FRMPD3: variants seen among roughly 807,000 people sequenced by gnomAD.
FRMPD3 encodes the protein FERM and PDZ domain-containing protein 3.
In FRMPD3, 42 loss-of-function variants were observed where a neutral mutation model predicts 97.9. That is an observed-to-expected ratio of 0.43 (90% CI 0.34 to 0.55). FRMPD3 has a LOEUF of 0.55. Among genes scored for constraint, FRMPD3 ranks in the 20% least tolerant of loss-of-function variants. The pLI is 0.03. For synonymous variants in FRMPD3, 577 were observed against 581.1 expected, an observed-to-expected ratio of 0.99 and a Z score of 0.10; for missense variants, 1,303 against 1,457.7, an observed-to-expected ratio of 0.89 and a Z score of 1.73.
At chrX:107,594,764 C>T (rs777325256) in intron 13 of FRMPD3, among the ~76,000 whole-genome samples, 1 of 111,204 alleles carries the variant, frequency 9.0e-6, no homozygotes, top group Non-Finnish European at 1.9e-5. Context: ...GCTTATAATC[C>T]CAGCTACTTG....
chrX:107,485,738 A>AT, intron 1 of FRMPD3, among the ~76,000 whole-genome samples: 1 of 111,648 alleles, frequency 9.0e-6, no homozygotes, highest in Admixed American at 9.5e-5. Flanking sequence ...ATTTTATCTC[A>AT]TCCCCTTAAG....
At chrX:107,484,496 G>C (rs1209839026) in intron 1 of FRMPD3, among the ~76,000 whole-genome samples, 11 of 112,695 alleles carry the variant, frequency 9.8e-5, no homozygotes, top group Non-Finnish European at 1.7e-4. Context: ...GAAAGGGAGA[G>C]AGCAAGACAG....
intron 1 of FRMPD3, among the ~76,000 whole-genome samples, chrX:107,463,696 G>C (rs950115028): frequency 8.0e-5 from 9 of 112,732 alleles, no homozygotes; most frequent in Non-Finnish European, 1.7e-4. Context: ...CTCCTTGCTG[G>C]ACTGCCAAAC....
In FRMPD3 at chrX:107,602,886, C is replaced by G. The variant is rs779911678; in HGVS notation, c.4847C>G (p.Ala1616Gly). 1.7e-6 allele frequency: 2 copies of G among 1,209,759 alleles called. No homozygotes were observed. The highest frequency in any genetic ancestry group is 1.7e-5 in the African/African-American group (1 of 57,506). The change falls in exon 15 of 15, where the codon GCC (alanine) becomes GGC (glycine). Residue 1616 changes from alanine (A) to glycine (G), a missense_variant. Around this residue, in one of 3 missense-constraint regions of FRMPD3, gnomAD observed 764 missense variants for 820.2 expected, o/e 0.93. Transcript: ENST00000683843. ...TGTGTGGCCAGCCCCGAGGCCCGTG[C>G]CCCCAAGCCCTATGTGTCTCAGATC... ...RQCVASPEAR[A>G]PKPYVSQISE... is the part of the protein sequence containing the mutation.
At chrX:107,477,765 G>A (rs1921240009) in intron 1 of FRMPD3, among the ~76,000 whole-genome samples, 1 of 112,078 alleles carries the variant, frequency 8.9e-6, no homozygotes. Flanking sequence ...CTGGAGAGGG[G>A]GACTGAGTGA....
intron 12 of FRMPD3, among the ~76,000 whole-genome samples, chrX:107,571,375 CTTGG>C: frequency 1.2e-5 from 1 of 86,124 alleles, no homozygotes; most frequent in South Asian, 4.1e-4. Flanking sequence ...TCATTTTTCT[CTTGG>C]CAAAAATTTC....
chrX:107,553,434 A>C (rs926762515), intron 7 of FRMPD3, among the ~76,000 whole-genome samples: 1 of 108,561 alleles, frequency 9.2e-6, no homozygotes, highest in African/African-American at 3.4e-5. Context: ...AGGAAAAAGT[A>C]TCCGGTCTTC....
chrX:107,560,912 CTGGG>C, intron 10 of FRMPD3, 59 bp downstream of exon 10: 3 of 1,114,528 alleles, frequency 2.7e-6, no homozygotes, highest in Non-Finnish European at 2.4e-6. Context: ...CAGGGAGATC[CTGGG>C]TGGTTTCCCA....
At chrX:107,572,471 G>A (rs777462506) in intron 12 of FRMPD3, among the ~76,000 whole-genome samples, 14 of 111,750 alleles carry the variant, frequency 1.3e-4, no homozygotes, top group Non-Finnish European at 2.3e-4. Context: ...TGAGACTTGT[G>A]CTTTAGAAAG....
chrX:107,451,545 T>C (rs758231413), intron 1 of FRMPD3, among the ~76,000 whole-genome samples: 66 of 112,369 alleles, frequency 5.9e-4, no homozygotes, highest in Non-Finnish European at 1.2e-3. Context: ...GCCAGCTTCT[T>C]GGGAGCTAAG....
At chrX:107,470,772 A>C (rs1921036530) in intron 1 of FRMPD3, among the ~76,000 whole-genome samples, 1 of 112,257 alleles carries the variant, frequency 8.9e-6, no homozygotes, top group Non-Finnish European at 1.9e-5. Flanking sequence ...GGCCCTAGTG[A>C]AATGAAAAAT....
chrX:107,524,995 CAAA>C (rs750900204), intron 1 of FRMPD3, among the ~76,000 whole-genome samples: 29 of 13,736 alleles, frequency 2.1e-3, no homozygotes, highest in African/African-American at 3.3e-3. Flanking sequence ...GACTCCATCT[CAAA>C]AAAAAAAAAA....
chrX:107,539,607 T>C (rs1921196973), intron 4 of FRMPD3, among the ~76,000 whole-genome samples: 1 of 110,749 alleles, frequency 9.0e-6, no homozygotes, highest in Non-Finnish European at 1.9e-5. Flanking sequence ...GCCAAAATAA[T>C]GGGAACCACC....
chrX:107,535,760 T>C (rs1923207080), intron 4 of FRMPD3, among the ~76,000 whole-genome samples: 1 of 109,994 alleles, frequency 9.1e-6, no homozygotes, highest in Non-Finnish European at 1.9e-5. Context: ...CGTATGTATA[T>C]GATTCAATAT....
intron 1 of FRMPD3, among the ~76,000 whole-genome samples, chrX:107,520,800 ATTAC>A (rs1922483209): frequency 8.9e-6 from 1 of 112,160 alleles, no homozygotes; most frequent in Non-Finnish European, 1.9e-5. Flanking sequence ...CCTTCAGCAA[ATTAC>A]TTAATCTCTC....
intron 1 of FRMPD3, among the ~76,000 whole-genome samples, chrX:107,488,326 A>C (rs1316246542): frequency 8.9e-6 from 1 of 112,207 alleles, no homozygotes; most frequent in African/African-American, 3.2e-5. Context: ...GAGAACCATC[A>C]CAGCCGCATG....
At chrX:107,478,612 C>T (rs762229051) in intron 1 of FRMPD3, among the ~76,000 whole-genome samples, 2 of 111,469 alleles carry the variant, frequency 1.8e-5, no homozygotes, top group East Asian at 2.8e-4. Context: ...ACTAAATGTT[C>T]GTCTCCTCGT....
At chrX:107,494,465 T>A (rs956698277) in intron 1 of FRMPD3, among the ~76,000 whole-genome samples, 8 of 111,739 alleles carry the variant, frequency 7.2e-5, no homozygotes, top group Admixed American at 4.7e-4. Context: ...CAATAATGAT[T>A]CTACTTGATT....
rs779454319 is a variant in FRMPD3 at position 107,602,152 on chromosome X, G to A, written c.4113G>A (p.Ser1371=). ...ECRSDPESGV[S]CLTTCASGGE... ...GATCGGACCCTGAGAGTGGTGTTTCGTGCCTGACCACGTGTGCCTCGGGGG... is the reference window on the plus strand; with the variant it reads ...GATCGGACCCTGAGAGTGGTGTTTCATGCCTGACCACGTGTGCCTCGGGGG... Residue 1371 remains serine, a synonymous_variant, in exon 15 of 15, where the codon TCG becomes TCA. Coordinates refer to ENST00000683843, the MANE Select transcript of FRMPD3 (RefSeq NM_001388459.1). 12 of 1,209,388 alleles carry A rather than the reference G, an allele frequency of 9.9e-6. No homozygotes were observed. The Admixed American group carries it at 1.1e-4, about 11-fold the overall frequency.
Sources: allele counts gnomAD v4.1 joint callset (sites outside exome capture counted in the v4.1 genomes callset), GRCh38; gene constraint gnomAD v4.1.1; regional missense constraint gnomAD v4.1.1; transcripts MANE v1.5; gene names NCBI Gene and HGNC (gene_info 2026-07-23, HGNC 2026-07-21).